The following AUTS2 variants were observed in gnomAD, a reference collection of about 807,000 sequenced individuals.
The protein encoded by AUTS2 is autism susceptibility gene 2 protein.
A neutral mutation model predicts 112.4 loss-of-function variants in AUTS2; 17 were observed. The ratio of observed to expected loss-of-function variants is 0.15; its 90% CI spans 0.10 to 0.23. AUTS2 has a LOEUF of 0.23. Among genes scored for constraint, AUTS2 ranks in the 10% least tolerant of loss-of-function variants. The probability of loss-of-function intolerance (pLI) is 1.00; values close to 1 mark genes in which losing one functional copy is unlikely to be tolerated. For synonymous variants in AUTS2, 751 were observed against 702.7 expected, an observed-to-expected ratio of 1.07 and a Z score of -1.09; for missense variants, 1,510 against 1,701.6, an observed-to-expected ratio of 0.89 and a Z score of 1.98.
chr7:70,354,434 T>G (rs1223835792), intron 4 of AUTS2, among the ~76,000 whole-genome samples: 1 of 152,250 alleles, frequency 6.6e-6, no homozygotes, highest in African/African-American at 2.4e-5. Context: ...AGCTACTAAG[T>G]GCATACTCTG....
intron 5 of AUTS2, among the ~76,000 whole-genome samples, chr7:70,593,656 A>G (rs1803057192): frequency 6.6e-6 from 1 of 152,224 alleles, no homozygotes; most frequent in Non-Finnish European, 1.5e-5. Flanking sequence ...ATAGTGCTTT[A>G]TTTTTCATCC....
intron 3 of AUTS2, among the ~76,000 whole-genome samples, chr7:70,127,600 G>T (rs1806047750): frequency 6.6e-6 from 1 of 152,104 alleles, no homozygotes; most frequent in South Asian, 2.1e-4. Flanking sequence ...CTCTCTGAAA[G>T]AATTTTGGGT....
At chr7:69,852,956 C>A (rs1792554888) in intron 1 of AUTS2, among the ~76,000 whole-genome samples, 1 of 151,866 alleles carries the variant, frequency 6.6e-6, no homozygotes, top group South Asian at 2.1e-4. Flanking sequence ...TGTTATCTTT[C>A]TGTTATTTAT....
intron 1 of AUTS2, among the ~76,000 whole-genome samples, chr7:69,779,881 G>A (rs1417321589): frequency 1.3e-5 from 2 of 151,704 alleles, no homozygotes; most frequent in Non-Finnish European, 2.9e-5. Context: ...TTTCAGACAG[G>A]GTGTTGCTCT....
chr7:69,971,578 C>G (rs758185740), intron 2 of AUTS2, among the ~76,000 whole-genome samples: 1 of 152,170 alleles, frequency 6.6e-6, no homozygotes, highest in Non-Finnish European at 1.5e-5. Context: ...AGTCTCTCTC[C>G]TGATGGCCTT....
chr7:69,895,131 A>G (rs2129539842), intron 1 of AUTS2, among the ~76,000 whole-genome samples: 1 of 152,212 alleles, frequency 6.6e-6, no homozygotes, highest in Non-Finnish European at 1.5e-5. Flanking sequence ...TTTACAAACA[A>G]TTACACAGGC....
intron 1 of AUTS2, among the ~76,000 whole-genome samples, chr7:69,839,568 T>G (rs1665221003): frequency 6.6e-6 from 1 of 152,152 alleles, no homozygotes; most frequent in Non-Finnish European, 1.5e-5. Context: ...GGTTGTAGAT[T>G]TATAAACAAG....
chr7:70,268,047 C>T (rs762589109), intron 4 of AUTS2, among the ~76,000 whole-genome samples: 1 of 152,170 alleles, frequency 6.6e-6, no homozygotes, highest in Non-Finnish European at 1.5e-5. Context: ...CATTAAAGCA[C>T]AAAAATGAAC....
At chr7:69,605,112 T>C (rs1253829055) in intron 1 of AUTS2, among the ~76,000 whole-genome samples, 1 of 152,230 alleles carries the variant, frequency 6.6e-6, no homozygotes, top group African/African-American at 2.4e-5. Flanking sequence ...CAGAGCACTT[T>C]TATTCTCTGC....
chr7:70,024,052 CA>C (rs1392883925), intron 2 of AUTS2, among the ~76,000 whole-genome samples: 3 of 152,296 alleles, frequency 2.0e-5, no homozygotes, highest in Middle Eastern at 3.4e-3. Context: ...ACAAATTATT[CA>C]GGGACAAATG....
intron 6 of AUTS2, among the ~76,000 whole-genome samples, chr7:70,701,587 G>T (rs543415675): frequency 6.6e-6 from 1 of 152,206 alleles, no homozygotes; most frequent in African/African-American, 2.4e-5. Context: ...TAGGTGTTCC[G>T]AATGGTCGTT....
chr7:69,843,351 T>C (rs1442814572), intron 1 of AUTS2, among the ~76,000 whole-genome samples: 1 of 151,846 alleles, frequency 6.6e-6, no homozygotes, highest in Non-Finnish European at 1.5e-5. Context: ...GTAGTGAGAA[T>C]TGGGGAGGGG....
chr7:70,141,669 C>T (rs962639317), intron 4 of AUTS2, among the ~76,000 whole-genome samples: 3 of 152,100 alleles, frequency 2.0e-5, no homozygotes, highest in East Asian at 1.9e-4. Flanking sequence ...CTCCACGTGG[C>T]GCAGATAAAC....
intron 1 of AUTS2, among the ~76,000 whole-genome samples, chr7:69,701,445 G>A (rs370115493): frequency 1.9e-4 from 29 of 152,276 alleles, no homozygotes; most frequent in African/African-American, 6.3e-4. Flanking sequence ...TGTGTAAGAT[G>A]CTGCAAGGAG....
chr7:70,034,560 C>G (rs1242531492), intron 2 of AUTS2, among the ~76,000 whole-genome samples: 1 of 152,172 alleles, frequency 6.6e-6, no homozygotes, highest in South Asian at 2.1e-4. Context: ...TGCATTAATA[C>G]TATTTATACT....
At chr7:70,715,522 CTTT>C (rs1810314673) in intron 6 of AUTS2, among the ~76,000 whole-genome samples, 1 of 149,246 alleles carries the variant, frequency 6.7e-6, no homozygotes, top group Non-Finnish European at 1.5e-5. Flanking sequence ...CTTTTCTTTT[CTTT>C]TCTTTTCTTT....
intron 1 of AUTS2, among the ~76,000 whole-genome samples, chr7:69,771,343 T>C (rs1221202110): frequency 6.6e-6 from 1 of 152,172 alleles, no homozygotes; most frequent in East Asian, 1.9e-4. Flanking sequence ...CAAAGGGAAA[T>C]TACTTGGCTT....
intron 2 of AUTS2, among the ~76,000 whole-genome samples, chr7:69,948,470 A>C (rs1796901082): frequency 6.6e-6 from 1 of 152,202 alleles, no homozygotes; most frequent in Non-Finnish European, 1.5e-5. Context: ...AATGTAAGCA[A>C]ACTAGTTTAA....
At chr7:70,245,364 G>A (rs574784670) in intron 4 of AUTS2, among the ~76,000 whole-genome samples, 96 of 151,928 alleles carry the variant, frequency 6.3e-4, no homozygotes, top group Non-Finnish European at 8.5e-4. Flanking sequence ...ATGGAAACTG[G>A]CAGCAATTTC....
Sources: gnomAD v4.1 joint callset for allele counts (sites outside exome capture counted in the v4.1 genomes callset) on GRCh38, gnomAD v4.1.1 for gene constraint, MANE v1.5 for transcripts, NCBI Gene and HGNC (gene_info 2026-07-23, HGNC 2026-07-21) for gene names.